ZDHHC14: variants seen among roughly 807,000 people sequenced by gnomAD.
ZDHHC14 encodes palmitoyltransferase ZDHHC14.
ZDHHC14 carries 16 observed loss-of-function variants against 47.7 expected under a neutral mutation model. The observed-to-expected ratio is 0.34, with a 90% CI of 0.23 to 0.51. ZDHHC14 has a LOEUF of 0.51. Ranked by LOEUF, ZDHHC14 falls within the 20% of genes least tolerant of loss-of-function variation. The probability of loss-of-function intolerance (pLI) is 0.97; values close to 1 mark genes in which losing one functional copy is unlikely to be tolerated. For synonymous variants in ZDHHC14, 293 were observed against 278.9 expected (o/e 1.05, Z -0.50); for missense variants, 515 against 662.5 (o/e 0.78, Z 2.44).
At chr6:157,434,582 A>G (rs913715412) in intron 1 of ZDHHC14, among the ~76,000 whole-genome samples, 1 of 141,882 alleles carries the variant, frequency 7.0e-6, no homozygotes, top group Non-Finnish European at 1.5e-5. Flanking sequence ...TCCATGAATC[A>G]TTTAGGCCAC....
At chr6:157,551,831 ATTAT>A (rs1360272806) in intron 2 of ZDHHC14, among the ~76,000 whole-genome samples, 1 of 152,200 alleles carries the variant, frequency 6.6e-6, no homozygotes, top group Admixed American at 6.5e-5. Context: ...CTTATTCCTT[ATTAT>A]TACATATTTA....
At chr6:157,616,429 G>A (rs576563955) in intron 3 of ZDHHC14, among the ~76,000 whole-genome samples, 9 of 152,286 alleles carry the variant, frequency 5.9e-5, no homozygotes, top group African/African-American at 2.2e-4. Context: ...GGGAGGGCCC[G>A]TGGGACAATT....
At chr6:157,432,985 G>T (rs1281471734) in intron 1 of ZDHHC14, among the ~76,000 whole-genome samples, 1 of 152,260 alleles carries the variant, frequency 6.6e-6, no homozygotes, top group Non-Finnish European at 1.5e-5. Flanking sequence ...TTCCTTCTGC[G>T]CTGAAATCCC....
At chr6:157,664,332 T>G (rs1486030344) in intron 8 of ZDHHC14, among the ~76,000 whole-genome samples, 2 of 152,230 alleles carry the variant, frequency 1.3e-5, no homozygotes, top group Non-Finnish European at 2.9e-5. Context: ...ATTTTCCCAT[T>G]TCTTTGTATG....
chr6:157,426,477 G>A (rs772255088), intron 1 of ZDHHC14, among the ~76,000 whole-genome samples: 19 of 152,168 alleles, frequency 1.2e-4, no homozygotes, highest in Non-Finnish European at 2.8e-4. Flanking sequence ...GAGCAGTTTG[G>A]CCCCCACTTC....
chr6:157,453,772 C>T (rs796076745), intron 1 of ZDHHC14, among the ~76,000 whole-genome samples: 7 of 121,408 alleles, frequency 5.8e-5, no homozygotes, highest in African/African-American at 2.6e-4. Flanking sequence ...ATTCTAAGGC[C>T]ATTGTTTTTT....
In ZDHHC14 at chr6:157,502,575, G is replaced by C. The variant is rs1780215515; in HGVS notation, c.246-40010G>C. On this transcript the variant is annotated intron_variant, in intron 1 of 8. Coordinates refer to ENST00000359775, the MANE Select transcript of ZDHHC14 (RefSeq NM_024630.3). The surrounding 1 kb of genome is among the most constrained non-coding windows in gnomAD (Gnocchi z 4.0). ...CCTCCTCCTGCCTGGAGATGATGAGGGATCTCAGGCTTATCTATACATGTC... is the reference window on the plus strand; with the variant it reads ...CCTCCTCCTGCCTGGAGATGATGAGCGATCTCAGGCTTATCTATACATGTC... 6.6e-6 allele frequency among the ~76,000 whole-genome samples: 1 copy of C among 152,178 alleles called. No individual in the cohort carries two copies. The highest frequency in any genetic ancestry group is 2.1e-4 in the South Asian group (1 of 4,830).
At chr6:157,453,699 C>G (rs1347018028) in intron 1 of ZDHHC14, among the ~76,000 whole-genome samples, 1 of 152,114 alleles carries the variant, frequency 6.6e-6, no homozygotes, top group East Asian at 1.9e-4. Context: ...GGTGCAGCAT[C>G]TTTCCTTTGA....
intron 1 of ZDHHC14, among the ~76,000 whole-genome samples, chr6:157,533,910 G>A (rs1022954679): frequency 6.6e-6 from 1 of 152,202 alleles, no homozygotes; most frequent in Non-Finnish European, 1.5e-5. Flanking sequence ...TTAAATTGGT[G>A]TCTAATTAAG....
chr6:157,579,236 C>T (rs1440418795), intron 2 of ZDHHC14, among the ~76,000 whole-genome samples: 18 of 110,170 alleles, frequency 1.6e-4, no homozygotes, highest in Non-Finnish European at 2.3e-4. Context: ...CTCACTCTGT[C>T]GCCCAGGCTG....
chr6:157,591,592 T>A (rs1262257205), intron 2 of ZDHHC14, among the ~76,000 whole-genome samples: 2 of 152,150 alleles, frequency 1.3e-5, no homozygotes, highest in Admixed American at 6.5e-5. Context: ...TTATCAATTA[T>A]CCAGTCTCAG....
At chr6:157,591,158 G>A (rs1328399901) in intron 2 of ZDHHC14, among the ~76,000 whole-genome samples, 1 of 152,138 alleles carries the variant, frequency 6.6e-6, no homozygotes, top group Non-Finnish European at 1.5e-5. Context: ...CTTGTCTTTG[G>A]ACTTGGACTT....
At chr6:157,580,994 T>C (rs1783498358) in intron 2 of ZDHHC14, among the ~76,000 whole-genome samples, 1 of 152,092 alleles carries the variant, frequency 6.6e-6, no homozygotes, top group Non-Finnish European at 1.5e-5. Flanking sequence ...GCTTCTCTAA[T>C]TCCTCTAGTT....
intron 1 of ZDHHC14, among the ~76,000 whole-genome samples, chr6:157,444,601 C>A (rs1778622686): frequency 6.6e-6 from 1 of 151,788 alleles, no homozygotes; most frequent in Admixed American, 6.6e-5. Flanking sequence ...TCACTTGAAC[C>A]CAGGAGGTGG....
chr6:157,565,257 G>A (rs1368814037), intron 2 of ZDHHC14, among the ~76,000 whole-genome samples: 1 of 152,112 alleles, frequency 6.6e-6, no homozygotes, highest in Non-Finnish European at 1.5e-5. Context: ...AAAAAAAAGA[G>A]TATTTGAATA....
At chr6:157,514,981 A>T (rs367983968) in intron 1 of ZDHHC14, among the ~76,000 whole-genome samples, 2 of 152,358 alleles carry the variant, frequency 1.3e-5, no homozygotes, top group East Asian at 1.9e-4. Context: ...TCGGGGCCTT[A>T]CAGGTGCCTG....
chr6:157,609,113 T>C (rs1294653023), intron 3 of ZDHHC14, among the ~76,000 whole-genome samples: 2 of 152,174 alleles, frequency 1.3e-5, no homozygotes, highest in Admixed American at 6.5e-5. Flanking sequence ...CCTGAGTCTG[T>C]AAAGTATGTA....
At chr6:157,436,802 G>A (rs1778448742) in intron 1 of ZDHHC14, among the ~76,000 whole-genome samples, 1 of 152,144 alleles carries the variant, frequency 6.6e-6, no homozygotes, top group Non-Finnish European at 1.5e-5. Flanking sequence ...CATGTTGGCT[G>A]CATAGTGCCT....
intron 1 of ZDHHC14, among the ~76,000 whole-genome samples, chr6:157,478,144 T>C (rs564123048): frequency 6.6e-6 from 1 of 152,334 alleles, no homozygotes; most frequent in Non-Finnish European, 1.5e-5. Context: ...ACCACGTCAT[T>C]GGCAAACTTT....
Sources: allele counts gnomAD v4.1 joint callset (sites outside exome capture counted in the v4.1 genomes callset), GRCh38; gene constraint gnomAD v4.1.1; non-coding constraint Gnocchi (gnomAD v3.1); transcripts MANE v1.5; gene names NCBI Gene and HGNC (gene_info 2026-07-23, HGNC 2026-07-21).